DENND4B: variants seen among roughly 807,000 people sequenced by gnomAD.
DENND4B encodes DENN domain-containing protein 4B.
DENND4B carries 67 observed loss-of-function variants against 161.0 expected under a neutral mutation model. The observed-to-expected ratio is 0.42, with a 90% CI of 0.34 to 0.51. The LOEUF (loss-of-function observed/expected upper bound fraction) is 0.51, where lower values mean the gene tolerates loss of function less well. Ranked by LOEUF, DENND4B falls within the 20% of genes least tolerant of loss-of-function variation. The pLI is 0.08. For synonymous variants in DENND4B, 753 were observed against 813.8 expected (o/e 0.93, Z 1.27); for missense variants, 1,481 against 1,968.0 (o/e 0.75, Z 4.68).
At chr1:153,941,483 T>A in intron 6 of DENND4B, 43 bp from the exon 7 acceptor site, 1 of 1,558,674 alleles carries the variant, frequency 6.4e-7, no homozygotes, top group Non-Finnish European at 8.7e-7. Flanking sequence ...CCCCCGTCCA[T>A]CCCTGTCCTC....
Position 153,942,297 on chromosome 1 carries a change from G to C in DENND4B, c.700C>G (p.Pro234Ala). The C allele has an allele frequency of 6.2e-7, 1 of 1,613,774 alleles. No homozygotes were observed. The highest frequency in any genetic ancestry group is 8.5e-7 in the Non-Finnish European group (1 of 1,179,826). The change falls in exon 5 of 28, where the codon CCC becomes GCC. Residue 234 changes from proline (P) to alanine (A), a missense_variant. Transcript: ENST00000361217. The surrounding 1 kb of genome is among the most constrained non-coding windows in gnomAD (Gnocchi z 6.9). ...NEAFPLPESV[P>A]VFCLPMGATI... Reference sequence around the variant, plus strand: ...GCCCCCATGGGCAGGCAGAAGACGGGCACTGACTCGGGCAGCGGGAACGCC... The same window carrying C: ...GCCCCCATGGGCAGGCAGAAGACGGCCACTGACTCGGGCAGCGGGAACGCC...
Position 153,946,499 on chromosome 1 carries a change from C to T in DENND4B, c.-222G>A. 1 of 389,792 alleles carries T rather than the reference C, an allele frequency of 2.6e-6. No individual in the cohort carries two copies. Among genetic ancestry groups the T allele is most frequent in the Non-Finnish European group, 4.5e-6 (1 of 220,220 alleles). The allele number at this position is 389,792 out of a possible 1,614,324, so 24.1% of individuals were successfully genotyped here. Reference sequence around the variant, plus strand: ...GGGGCGCAGTGGAAGGAGATCCGGGCGGTCCCCGCGTCCCCGCCGCGCTGC... The same window carrying T: ...GGGGCGCAGTGGAAGGAGATCCGGGTGGTCCCCGCGTCCCCGCCGCGCTGC... On this transcript the variant is annotated 5_prime_UTR_variant, in exon 1 of 28. Coordinates refer to ENST00000361217, the MANE Select transcript of DENND4B (RefSeq NM_014856.3). The surrounding 1 kb of genome is among the most constrained non-coding windows in gnomAD (Gnocchi z 6.3).
At position 153,937,235 on chromosome 1, in the gene DENND4B, G is replaced by A. The variant is rs527292575; in HGVS notation, c.2232+253C>T. ...GGCTGGCCCTTGAGCATGGGCAGGT[G>A]CCCTAGAAGACATGGCCAGCCCCTG... is the stretch of plus-strand genomic sequence containing the variant. On this transcript the variant is annotated intron_variant, in intron 15 of 27. Coordinates refer to ENST00000361217, the MANE Select transcript of DENND4B (RefSeq NM_014856.3). This position sits in a 1 kb window ranked among gnomAD's most constrained non-coding sequence, Gnocchi z 4.7. Among the ~76,000 whole-genome samples the A allele has an allele frequency of 3.3e-5, 5 of 152,364 alleles. No homozygotes were observed. Among genetic ancestry groups the A allele is most frequent in the Admixed American group, 2.6e-4 (4 of 15,306 alleles).
Position 153,940,520 on chromosome 1 carries a change from G to T in DENND4B, c.1413C>A (p.Phe471Leu). ...LADVLSAPVPFIVGIHSSYFD... is the reference protein window; with the variant it reads ...LADVLSAPVPLIVGIHSSYFD... ...AGTAGCTGGAGTGGATACCCACAAT[G>T]AAGGGCACTGGGGCACTCAGCACAT... Residue 471 changes from phenylalanine (F) to leucine (L), a missense_variant, in exon 10 of 28, where the codon TTC (phenylalanine) becomes TTA (leucine). Phe to Leu is a conservative substitution (Grantham distance 22, BLOSUM62 0). Transcript: ENST00000361217. The surrounding 1 kb of genome is among the most constrained non-coding windows in gnomAD (Gnocchi z 5.6). The T allele has an allele frequency of 1.2e-6, 2 of 1,613,550 alleles. No homozygotes were observed. Among genetic ancestry groups the T allele is most frequent in the Non-Finnish European group, 1.7e-6 (2 of 1,179,724 alleles).
Position 153,931,176 on chromosome 1 carries a change from A to G in DENND4B, c.3997-112T>C, listed in dbSNP as rs1351351999. On this transcript the variant is annotated intron_variant, in intron 24 of 27. Coordinates refer to ENST00000361217, the MANE Select transcript of DENND4B (RefSeq NM_014856.3). The stretch of plus-strand genomic sequence containing the variant: ...GAGGGCCATTACAGGACACAGCCAA[A>G]GAGAAGTGGGAAAGGAATTCTTATC... 3 of 822,902 alleles carry G rather than the reference A, an allele frequency of 3.6e-6. No individual in the cohort carries two copies. In the East Asian group the frequency reaches 8.0e-5, roughly 22 times the overall value. The allele number at this position is 822,902 out of a possible 1,614,324, so 51.0% of individuals were successfully genotyped here.
At position 153,940,515 on chromosome 1, in the gene DENND4B, A is replaced by T; in HGVS notation, c.1418T>A (p.Val473Glu). 1.2e-6 allele frequency: 2 copies of T among 1,613,512 alleles called. No individual in the cohort carries two copies. Among genetic ancestry groups the T allele is most frequent in the Non-Finnish European group, 1.7e-6 (2 of 1,179,714 alleles). ...ATCAAAGTAGCTGGAGTGGATACCC[A>T]CAATGAAGGGCACTGGGGCACTCAG... ...DVLSAPVPFI[V>E]GIHSSYFDLH... Residue 473 changes from valine to glutamate, a missense_variant, in exon 10 of 28, where the codon GTG becomes GAG. Around this residue, in one of 3 missense-constraint regions of DENND4B, gnomAD observed 806 missense variants for 1,134.4 expected, o/e 0.71. Transcript: ENST00000361217. This position sits in a 1 kb window ranked among gnomAD's most constrained non-coding sequence, Gnocchi z 5.6.
intron 13 of DENND4B, among the ~76,000 whole-genome samples, chr1:153,938,126 G>GTA (rs1411047391): frequency 6.6e-6 from 1 of 152,224 alleles, no homozygotes; most frequent in Non-Finnish European, 1.5e-5. Context: ...ATGGCCCTGG[G>GTA]GGCCAGACAC....
intron 12 of DENND4B, among the ~76,000 whole-genome samples, 183 bp downstream of exon 12, chr1:153,939,406 C>T (rs1451174457): frequency 1.3e-5 from 2 of 152,042 alleles, no homozygotes; most frequent in African/African-American, 4.8e-5. Flanking sequence ...CATCTTTGTA[C>T]CCTGATTCCC....
chr1:153,946,644 C>G lies in DENND4B; in HGVS notation c.-367G>C, dbSNP rs1364578881. ...CCGCTTTCTCTACTCCCCCAACCCCCGCTCCGGGCCGCGGGCGCCGCCGCT... is the reference window on the plus strand; with the variant it reads ...CCGCTTTCTCTACTCCCCCAACCCCGGCTCCGGGCCGCGGGCGCCGCCGCT... On this transcript the variant is annotated 5_prime_UTR_variant, in exon 1 of 28. Coordinates refer to ENST00000361217, the MANE Select transcript of DENND4B (RefSeq NM_014856.3). The surrounding 1 kb of genome is among the most constrained non-coding windows in gnomAD (Gnocchi z 6.3). 5.2e-6 allele frequency: 2 copies of G among 383,754 alleles called. No homozygotes were observed. The highest frequency in any genetic ancestry group is 9.2e-6 in the Non-Finnish European group (2 of 216,640). 23.8% of individuals were successfully genotyped at this position (383,754 alleles called of 1,614,324 possible). A position where few individuals can be genotyped will look rare whatever the true frequency, so the allele number is the denominator to read the frequency against.
Position 153,936,615 on chromosome 1 carries a change from C to G in DENND4B, c.2366G>C (p.Arg789Pro). 6.2e-7 allele frequency: 1 copy of G among 1,612,864 alleles called. No homozygotes were observed. Among genetic ancestry groups the G allele is most frequent in the Non-Finnish European group, 8.5e-7 (1 of 1,179,314 alleles). The change falls in exon 16 of 28, where the codon CGA becomes CCA. Residue 789 changes from arginine to proline, a missense_variant. By Grantham distance (103) the Arg-to-Pro change is moderately radical. Around this residue, in one of 3 missense-constraint regions of DENND4B, gnomAD observed 806 missense variants for 1,134.4 expected, o/e 0.71. Transcript: ENST00000361217. This position sits in a 1 kb window ranked among gnomAD's most constrained non-coding sequence, Gnocchi z 4.1. ...GTAGGCTGTGTGCAGTGCCTGCACT[C>G]GGGAGGGTGCCGACCGCACATAGGC... ...LPAYVRSAPS[R>P]VQALHTAYHV...
rs1381775037 is a variant in DENND4B, at chr1:153,930,340, G to A, written c.4448C>T (p.Ala1483Val). 1 of 1,614,012 alleles carries A rather than the reference G, an allele frequency of 6.2e-7. No homozygotes were observed. The highest frequency in any genetic ancestry group is 2.2e-5 in the East Asian group (1 of 44,894). ...TCCAAAACATTTTCGGCAGTCAATG[G>A]CCTTGGGAGTGGGCATCTGCGCCCG... Reference protein sequence around the residue: ...HRRAQMPTPKAIDCRKCFGAP... With the variant: ...HRRAQMPTPKVIDCRKCFGAP... Residue 1483 changes from alanine (A) to valine (V), a missense_variant, in exon 28 of 28, where the codon GCC (alanine) becomes GTC (valine). Coordinates refer to ENST00000361217, the MANE Select transcript of DENND4B (RefSeq NM_014856.3). This position sits in a 1 kb window ranked among gnomAD's most constrained non-coding sequence, Gnocchi z 4.7.
Position 153,946,668 on chromosome 1 carries a change from C to T in DENND4B, c.-391G>A. ...CCGCTCCGGGCCGCGGGCGCCGCCG[C>T]TACCCCCACCCCTCCTCCTCGGCCG... On this transcript the variant is annotated 5_prime_UTR_variant, in exon 1 of 28. Coordinates refer to ENST00000361217, the MANE Select transcript of DENND4B (RefSeq NM_014856.3). This position sits in a 1 kb window ranked among gnomAD's most constrained non-coding sequence, Gnocchi z 6.3. 1 of 379,844 alleles carries T rather than the reference C, an allele frequency of 2.6e-6. No individual in the cohort carries two copies. Among genetic ancestry groups the T allele is most frequent in the Non-Finnish European group, 4.7e-6 (1 of 214,238 alleles). The allele number at this position is 379,844 out of a possible 1,614,324, so 23.5% of individuals were successfully genotyped here. A position where few individuals can be genotyped will look rare whatever the true frequency, so the allele number is the denominator to read the frequency against.
In DENND4B at chr1:153,936,876, T is replaced by C; in HGVS notation, c.2233-128A>G. The stretch of plus-strand genomic sequence containing the variant: ...TGGAGTGCAGTGGCGCAATCTTGGC[T>C]CACTGCAGACTCGGCCTCCTGGGCT... On this transcript the variant is annotated intron_variant, in intron 15 of 27. Coordinates refer to ENST00000361217, the MANE Select transcript of DENND4B (RefSeq NM_014856.3). This position sits in a 1 kb window ranked among gnomAD's most constrained non-coding sequence, Gnocchi z 4.1. 1 of 936,366 alleles carries C rather than the reference T, an allele frequency of 1.1e-6. No individual in the cohort carries two copies. The highest frequency in any genetic ancestry group is 1.5e-6 in the Non-Finnish European group (1 of 655,036). The allele number at this position is 936,366 out of a possible 1,614,324, so 58.0% of individuals were successfully genotyped here. A position where few individuals can be genotyped will look rare whatever the true frequency, so the allele number is the denominator to read the frequency against.
intron 2 of DENND4B, 110 bp from the exon 3 acceptor site, chr1:153,943,240 C>T: frequency 6.9e-7 from 1 of 1,441,860 alleles, no homozygotes; most frequent in Non-Finnish European, 9.4e-7. Flanking sequence ...TACCCACAGC[C>T]TTGTCAAACT....
Position 153,934,768 on chromosome 1 carries a change from G to C in DENND4B, c.2765C>G (p.Ser922Cys), listed in dbSNP as rs897545806. 1 of 1,612,374 alleles carries C rather than the reference G, an allele frequency of 6.2e-7. No homozygotes were observed. The highest frequency in any genetic ancestry group is 1.7e-4 in the Middle Eastern group (1 of 6,046). Residue 922 changes from serine (S) to cysteine (C), a missense_variant, in exon 18 of 28, where the codon TCC becomes TGC. By Grantham distance (112) the Ser-to-Cys change is moderately radical. Transcript: ENST00000361217. The surrounding 1 kb of genome is among the most constrained non-coding windows in gnomAD (Gnocchi z 5.3). ...QVSAHQEAGS[S>C]QAEPYLERPS... The stretch of plus-strand genomic sequence containing the variant: ...CACCAGGCCCTACCCACCTGCCTGG[G>C]AGCTGCCTGCCTCTTGATGTGCTGA...
rs774045288 is a variant in DENND4B, at chr1:153,936,724, C to A, written c.2257G>T (p.Ala753Ser). The A allele has an allele frequency of 6.3e-7, 1 of 1,598,376 alleles. No homozygotes were observed. The highest frequency in any genetic ancestry group is 1.7e-5 in the Admixed American group (1 of 58,778). ...KQEMKVAQRM[A>S]QKSAAVPELW... ...TCAGGCACAGCTGCTGACTTCTGTG[C>A]CATCCGCTGTGCAACTTTCATCTCC... Residue 753 changes from alanine to serine, a missense_variant, in exon 16 of 28, where the codon GCA becomes TCA. Coordinates refer to ENST00000361217, the MANE Select transcript of DENND4B (RefSeq NM_014856.3). The surrounding 1 kb of genome is among the most constrained non-coding windows in gnomAD (Gnocchi z 4.1).
rs1679046665 is a variant in DENND4B at position 153,932,835 on chromosome 1, C to T, written c.3623+26G>A. 6.2e-7 allele frequency: 1 copy of T among 1,613,646 alleles called. No homozygotes were observed. Among genetic ancestry groups the T allele is most frequent in the African/African-American group, 1.3e-5 (1 of 75,036 alleles). On this transcript the variant is annotated intron_variant, in intron 22 of 27. Coordinates refer to ENST00000361217, the MANE Select transcript of DENND4B (RefSeq NM_014856.3). The surrounding 1 kb of genome is among the most constrained non-coding windows in gnomAD (Gnocchi z 5.8). ...GGACCTTCACCTCCCTATTCCCACCCACAGCACTTGCCCTGCCTTGGGCAC... is the reference window on the plus strand; with the variant it reads ...GGACCTTCACCTCCCTATTCCCACCTACAGCACTTGCCCTGCCTTGGGCAC...
chr1:153,936,097 A>G lies in DENND4B; in HGVS notation c.2531T>C (p.Ile844Thr), dbSNP rs1184853805. 1.9e-6 allele frequency: 3 copies of G among 1,613,028 alleles called. No homozygotes were observed. The highest frequency in any genetic ancestry group is 2.5e-6 in the Non-Finnish European group (3 of 1,179,542). Reference sequence around the variant, plus strand: ...GCCATAGGTGATGGTGTTGGGCACAATGCCTGCCTGACGCATCTCCAGCAT... The same window carrying G: ...GCCATAGGTGATGGTGTTGGGCACAGTGCCTGCCTGACGCATCTCCAGCAT... ...RVMLEMRQAG[I>T]VPNTITYGYY... Residue 844 changes from isoleucine (I) to threonine (T), a missense_variant, in exon 17 of 28, where the codon ATT (isoleucine) becomes ACT (threonine). Coordinates refer to ENST00000361217, the MANE Select transcript of DENND4B (RefSeq NM_014856.3). The surrounding 1 kb of genome is among the most constrained non-coding windows in gnomAD (Gnocchi z 4.1).
chr1:153,941,775 G>GGGGGGGGGGGC, intron 6 of DENND4B, 94 bp downstream of exon 6: 1 of 1,338,174 alleles, frequency 7.5e-7, no homozygotes, highest in Non-Finnish European at 1.0e-6. Flanking sequence ...CCTGTGCCCA[G>GGGGGGGGGGGC]CCCTCCCCCC....
Sources: gnomAD v4.1 joint callset for allele counts (sites outside exome capture counted in the v4.1 genomes callset) on GRCh38, gnomAD v4.1.1 for gene constraint, gnomAD v4.1.1 regional missense constraint, Gnocchi (gnomAD v3.1) non-coding constraint, MANE v1.5 for transcripts, NCBI Gene and HGNC (gene_info 2026-07-23, HGNC 2026-07-21) for gene names.